KCNK13: variants seen among roughly 807,000 people sequenced by gnomAD.
The protein encoded by KCNK13 is potassium channel subfamily K member 13.
In KCNK13, 12 loss-of-function variants were observed where a neutral mutation model predicts 23.4. That is an observed-to-expected ratio of 0.51 (90% CI 0.33 to 0.83). The LOEUF (loss-of-function observed/expected upper bound fraction) is 0.83, where lower values mean the gene tolerates loss of function less well. Ranked by LOEUF, KCNK13 falls within the 40% of genes least tolerant of loss-of-function variation. The probability of loss-of-function intolerance (pLI) is 0.02; values close to 1 mark genes in which losing one functional copy is unlikely to be tolerated. For synonymous variants in KCNK13, 231 were observed against 229.5 expected (o/e 1.01, Z -0.06); for missense variants, 463 against 556.3 (o/e 0.83, Z 1.69).
chr14:90,111,663 C>G (rs1889616521), intron 1 of KCNK13, among the ~76,000 whole-genome samples: 1 of 152,070 alleles, frequency 6.6e-6, no homozygotes, highest in Admixed American at 6.6e-5. Flanking sequence ...GGGTCTGAGC[C>G]CTTTCGTCTC....
In KCNK13 at chr14:90,087,152, A is replaced by AT. The variant is rs1241730961; in HGVS notation, c.334+24614dup. On this transcript the variant is annotated intron_variant, in intron 1 of 1. Transcript: ENST00000282146. ...TACATATATATATATATATATATAT[A>AT]TATTTTTTTTTTTTATTGAGATGGG... Among the ~76,000 whole-genome samples, 202 of 93,542 alleles carry AT rather than the reference A, an allele frequency of 2.2e-3. 1 individual carries two copies. The highest frequency in any genetic ancestry group is 4.3e-3 in the African/African-American group (101 of 23,456). The allele number at this position is 93,542 out of a possible 152,430, so 61.4% of individuals were successfully genotyped here.
intron 1 of KCNK13, chr14:90,107,862 A>G: frequency 1.2e-6 from 1 of 826,198 alleles, no homozygotes; most frequent in Non-Finnish European, 2.1e-6. Flanking sequence ...TATTTGGAAC[A>G]GCTCACGGGA....
intron 1 of KCNK13, among the ~76,000 whole-genome samples, chr14:90,175,100 G>A (rs1375449500): frequency 6.6e-6 from 1 of 152,110 alleles, no homozygotes; most frequent in Non-Finnish European, 1.5e-5. Context: ...ATATTAAGAT[G>A]TTATCTTTAG....
intron 1 of KCNK13, among the ~76,000 whole-genome samples, chr14:90,169,531 G>T (rs1200802369): frequency 6.6e-6 from 1 of 152,174 alleles, no homozygotes; most frequent in Non-Finnish European, 1.5e-5. Context: ...CATGAGAAAC[G>T]AGGATTTCCC....
At chr14:90,155,428 G>A (rs1046465775) in intron 1 of KCNK13, among the ~76,000 whole-genome samples, 3 of 152,146 alleles carry the variant, frequency 2.0e-5, no homozygotes, top group Non-Finnish European at 2.9e-5. Context: ...GGTGAATGGG[G>A]GCCAATGGAG....
At position 90,110,323 on chromosome 14, in the gene KCNK13, C is replaced by T. The variant is rs141682605; in HGVS notation, c.334+47784C>T. Among the ~76,000 whole-genome samples, 298 of 152,006 alleles carry T rather than the reference C, an allele frequency of 2.0e-3. 2 individuals carry two copies. Among genetic ancestry groups the T allele is most frequent in the Middle Eastern group, 6.8e-3 (2 of 294 alleles). ...GGTCAGAAGTTCGAGACCAGCCTTG[C>T]CAACATGGTAAAACCCCGTCTCTAC... On this transcript the variant is annotated intron_variant, in intron 1 of 1. Coordinates refer to ENST00000282146, the MANE Select transcript of KCNK13 (RefSeq NM_022054.4).
chr14:90,117,171 G>C (rs919380631), intron 1 of KCNK13, among the ~76,000 whole-genome samples: 1 of 152,200 alleles, frequency 6.6e-6, no homozygotes, highest in Non-Finnish European at 1.5e-5. Flanking sequence ...TAGCCTAGAT[G>C]GTTACTCATT....
chr14:90,075,161 G>T (rs975442245), intron 1 of KCNK13, among the ~76,000 whole-genome samples: 10 of 151,580 alleles, frequency 6.6e-5, no homozygotes, highest in African/African-American at 2.4e-4. Flanking sequence ...TTTTTATTAT[G>T]ATGGCTTAGA....
At chr14:90,175,026 G>C (rs1890407827) in intron 1 of KCNK13, among the ~76,000 whole-genome samples, 1 of 152,142 alleles carries the variant, frequency 6.6e-6, no homozygotes, top group Non-Finnish European at 1.5e-5. Flanking sequence ...CCTTATCTGA[G>C]ATGTACATGA....
chr14:90,173,613 T>A (rs1596810661), intron 1 of KCNK13, among the ~76,000 whole-genome samples: 1 of 152,188 alleles, frequency 6.6e-6, no homozygotes, highest in East Asian at 1.9e-4. Flanking sequence ...AGGAGGGTGT[T>A]TGTTTGCAGG....
intron 1 of KCNK13, among the ~76,000 whole-genome samples, chr14:90,115,564 G>T (rs1889666854): frequency 6.6e-6 from 1 of 152,208 alleles, no homozygotes; most frequent in African/African-American, 2.4e-5. Flanking sequence ...TAAAGGGCCA[G>T]CCAGCAAATA....
chr14:90,086,707 C>T (rs8009286), intron 1 of KCNK13, among the ~76,000 whole-genome samples: 4,918 of 152,204 alleles, frequency 0.032, 129 homozygotes, highest in Non-Finnish European at 0.052. Context: ...GAACCACACC[C>T]AGCACTCATC....
chr14:90,138,731 T>TC (rs1889967277), intron 1 of KCNK13, among the ~76,000 whole-genome samples: 2 of 152,190 alleles, frequency 1.3e-5, no homozygotes, highest in African/African-American at 4.8e-5. Context: ...AGCTGAGGGG[T>TC]AAGCCCACCC....
At chr14:90,150,133 T>G (rs186085748) in intron 1 of KCNK13, among the ~76,000 whole-genome samples, 167 of 152,246 alleles carry the variant, frequency 1.1e-3, no homozygotes, top group Non-Finnish European at 2.9e-4. Context: ...TTAAACTGAC[T>G]TGAAGTACGC....
At chr14:90,097,225 C>A (rs1419758648) in intron 1 of KCNK13, among the ~76,000 whole-genome samples, 1 of 152,076 alleles carries the variant, frequency 6.6e-6, no homozygotes, top group East Asian at 1.9e-4. Context: ...AAAGAGGTTT[C>A]TTTAGTTTAT....
chr14:90,069,465 G>A (rs1201463665), intron 1 of KCNK13, among the ~76,000 whole-genome samples: 1 of 152,142 alleles, frequency 6.6e-6, no homozygotes, highest in East Asian at 1.9e-4. Flanking sequence ...GCTGGTAGGT[G>A]TCTTGTTGGC....
Position 90,185,065 on chromosome 14 carries a change from G to A in KCNK13, c.*62G>A, listed in dbSNP as rs2140451712. On this transcript the variant is annotated 3_prime_UTR_variant, in exon 2 of 2. Coordinates refer to ENST00000282146, the MANE Select transcript of KCNK13 (RefSeq NM_022054.4). The stretch of plus-strand genomic sequence containing the variant: ...AATGGAGGATGATTGCCGCCCAGGG[G>A]ACGAGCTCAGCCCTGCGCCTTGGCT... 1 of 1,401,098 alleles carries A rather than the reference G, an allele frequency of 7.1e-7. No individual in the cohort carries two copies. Among genetic ancestry groups the A allele is most frequent in the Non-Finnish European group, 9.5e-7 (1 of 1,054,404 alleles). The allele number at this position is 1,401,098 out of a possible 1,614,324, so 86.8% of individuals were successfully genotyped here.
At chr14:90,108,243 G>A (rs996926107) in intron 1 of KCNK13, among the ~76,000 whole-genome samples, 2 of 152,080 alleles carry the variant, frequency 1.3e-5, no homozygotes, top group South Asian at 2.1e-4. Context: ...CCTAGGATTC[G>A]CTCACTCACC....
intron 1 of KCNK13, among the ~76,000 whole-genome samples, chr14:90,092,833 G>A (rs1889364302): frequency 6.8e-6 from 1 of 148,040 alleles, no homozygotes; most frequent in South Asian, 2.1e-4. Flanking sequence ...GTTTGCTTGA[G>A]CCCAGGAGGT....
Sources: allele counts gnomAD v4.1 joint callset (sites outside exome capture counted in the v4.1 genomes callset), GRCh38; gene constraint gnomAD v4.1.1; transcripts MANE v1.5; gene names NCBI Gene and HGNC (gene_info 2026-07-23, HGNC 2026-07-21).